Variants in TYW1B observed in about 807,000 individuals in gnomAD.
TYW1B encodes S-adenosyl-L-methionine-dependent tRNA 4-demethylwyosine synthase TYW1B.
TYW1B carries 73 observed loss-of-function variants against 86.9 expected under a neutral mutation model. That is an observed-to-expected ratio of 0.84 (90% CI 0.70 to 1.02). The LOEUF is 1.02. Among genes scored for constraint, TYW1B ranks in the 50% least tolerant of loss-of-function variants. The probability of loss-of-function intolerance (pLI) is 0.00; values close to 1 mark genes in which losing one functional copy is unlikely to be tolerated. For missense variants in TYW1B, 637 were observed against 827.4 expected, an observed-to-expected ratio of 0.77 and a Z score of 2.82; for synonymous variants, 248 against 292.8, an observed-to-expected ratio of 0.85 and a Z score of 1.56.
rs1366644478 is a variant in TYW1B, at chr7:72,574,674, A to G, written c.*824T>C. ...TAAAGCAGCGAGGGCCACAGGAGTC[A>G]AAGAAGATGGAGACCCGCCGTCTGG... is the stretch of plus-strand genomic sequence containing the variant. On this transcript the variant is annotated 3_prime_UTR_variant, in exon 14 of 14. Coordinates refer to ENST00000620995, the MANE Select transcript of TYW1B (RefSeq NM_001145440.3). 40 of 985,362 alleles carry G rather than the reference A, an allele frequency of 4.1e-5. No individual in the cohort carries two copies. Among genetic ancestry groups the G allele is most frequent in the Non-Finnish European group, 4.8e-5 (40 of 829,958 alleles). 61.0% of individuals were successfully genotyped at this position (985,362 alleles called of 1,614,324 possible). A position where few individuals can be genotyped will look rare whatever the true frequency, so the allele number is the denominator to read the frequency against.
At position 72,810,458 on chromosome 7, in the gene TYW1B, A is replaced by G. The variant is rs1279110400; in HGVS notation, c.432+13T>C. 2 of 1,600,002 alleles carry G rather than the reference A, an allele frequency of 1.3e-6. No individual in the cohort carries two copies. Among genetic ancestry groups the G allele is most frequent in the African/African-American group, 2.7e-5 (2 of 74,592 alleles). ...TGGGGAGAATTTATTCCTATAATTC[A>G]ATATAGACCTACCTTGTTGAAGTGG... On this transcript the variant is annotated intron_variant, in intron 4 of 13. Coordinates refer to ENST00000620995, the MANE Select transcript of TYW1B (RefSeq NM_001145440.3).
At chr7:72,602,475 G>C (rs1436612758) in intron 13 of TYW1B, among the ~76,000 whole-genome samples, 1 of 152,078 alleles carries the variant, frequency 6.6e-6, no homozygotes, top group Non-Finnish European at 1.5e-5. Flanking sequence ...TCTCTGCTTT[G>C]TCAGCTGAGA....
intron 2 of TYW1B, among the ~76,000 whole-genome samples, chr7:72,815,694 T>C (rs1788710475): frequency 6.6e-6 from 1 of 152,092 alleles, no homozygotes; most frequent in Admixed American, 6.6e-5. Context: ...AGGGTTTACG[T>C]AGGACTGAAT....
chr7:72,685,973 G>T (rs1297725731), intron 11 of TYW1B, among the ~76,000 whole-genome samples: 4 of 152,042 alleles, frequency 2.6e-5, no homozygotes, highest in Admixed American at 1.3e-4. Context: ...TTAAAAATGG[G>T]CCAAAGACCA....
chr7:72,758,628 T>A (rs1554466680), intron 7 of TYW1B, among the ~76,000 whole-genome samples: 1 of 152,126 alleles, frequency 6.6e-6, no homozygotes, highest in East Asian at 1.9e-4. Flanking sequence ...TCTGCCCTGG[T>A]ATGTCTTCTC....
intron 7 of TYW1B, among the ~76,000 whole-genome samples, chr7:72,775,742 A>C (rs562898291): frequency 2.6e-5 from 4 of 152,068 alleles, no homozygotes; most frequent in East Asian, 3.9e-4. Context: ...AAAAAAAAAA[A>C]CAAAAAACAA....
intron 7 of TYW1B, among the ~76,000 whole-genome samples, chr7:72,757,229 G>A (rs782538983): frequency 2.6e-5 from 4 of 151,994 alleles, no homozygotes; most frequent in Admixed American, 6.6e-5. Context: ...TTAGCCAGGC[G>A]TGGTAGCGCG....
intron 10 of TYW1B, among the ~76,000 whole-genome samples, chr7:72,706,293 G>A (rs1554453635): frequency 2.0e-5 from 3 of 151,946 alleles, no homozygotes; most frequent in African/African-American, 7.2e-5. Flanking sequence ...CGGGTGTGGT[G>A]GCAAATGCCT....
At chr7:72,699,036 C>A (rs1163456063) in intron 10 of TYW1B, among the ~76,000 whole-genome samples, 1 of 149,250 alleles carries the variant, frequency 6.7e-6, no homozygotes, top group Non-Finnish European at 1.5e-5. Context: ...CTGGAGGGAA[C>A]AGAAGATGGA....
chr7:72,823,825 G>A (rs1554480988), intron 2 of TYW1B, among the ~76,000 whole-genome samples: 9 of 151,942 alleles, frequency 5.9e-5, no homozygotes, highest in Non-Finnish European at 1.3e-4. Context: ...GATAAATCTA[G>A]AAACACAGCA....
intron 11 of TYW1B, among the ~76,000 whole-genome samples, chr7:72,663,774 A>AAAC (rs1393213889): frequency 6.6e-6 from 1 of 150,482 alleles, no homozygotes; most frequent in Non-Finnish European, 1.5e-5. Flanking sequence ...AAAAAAAAAA[A>AAAC]AAAAAAAAAA....
chr7:72,732,690 T>C (rs1177744848), intron 8 of TYW1B, among the ~76,000 whole-genome samples: 3 of 152,104 alleles, frequency 2.0e-5, no homozygotes, highest in African/African-American at 7.2e-5. Flanking sequence ...AATCTAACAA[T>C]GCACTTCAGG....
At chr7:72,802,345 C>T (rs1421836184) in intron 6 of TYW1B, 55 bp downstream of exon 6, 1 of 1,607,222 alleles carries the variant, frequency 6.2e-7, no homozygotes, top group African/African-American at 1.3e-5. Context: ...TAAAGAAATA[C>T]TAAATGTTAA....
intron 10 of TYW1B, among the ~76,000 whole-genome samples, chr7:72,698,265 G>A (rs571337382): frequency 7.9e-5 from 12 of 152,216 alleles, no homozygotes; most frequent in Admixed American, 6.6e-4. Context: ...ACAATAAAAT[G>A]ACCATGTAGT....
At chr7:72,799,634 T>C (rs1185277088) in intron 6 of TYW1B, among the ~76,000 whole-genome samples, 5 of 151,884 alleles carry the variant, frequency 3.3e-5, no homozygotes, top group African/African-American at 1.2e-4. Context: ...CCTGGCTAAT[T>C]TTTTGTATTT....
At chr7:72,589,182 T>C (rs1158557563) in intron 13 of TYW1B, among the ~76,000 whole-genome samples, 5 of 152,196 alleles carry the variant, frequency 3.3e-5, no homozygotes, top group African/African-American at 4.8e-5. Context: ...TATGATCCAA[T>C]AGACTTCTGT....
rs1554428280 is a variant in TYW1B at position 72,575,499 on chromosome 7, C to T, written c.2006G>A (p.Ter669=). 4 of 1,604,164 alleles carry T rather than the reference C, an allele frequency of 2.5e-6. No homozygotes were observed. Among genetic ancestry groups the T allele is most frequent in the Non-Finnish European group, 3.4e-6 (4 of 1,177,052 alleles). Residue 669 remains the stop codon, a stop_retained_variant, in exon 14 of 14, where the codon TGA becomes TAA. Transcript: ENST00000620995. ...KNKSKAISGC[*] is the part of the protein sequence containing the mutation. ...TCAGTACCTTGAAATCAGATAATCT[C>T]AACATCCAGAAATAGCCTTTGATTT...
Position 72,657,018 on chromosome 7 carries a change from G to C in TYW1B, c.1507-28021C>G, listed in dbSNP as rs373271552. Among the ~76,000 whole-genome samples the C allele has an allele frequency of 3.9e-4, 59 of 152,200 alleles. 2 individuals carry two copies. In the East Asian group the frequency reaches 9.1e-3, roughly 23 times the overall value. ...CAACCAAACAATATCTCCTCCAAAG[G>C]AAAATCGTAATTCTCCAGTAAAAGA... On this transcript the variant is annotated intron_variant, in intron 11 of 13. Transcript: ENST00000620995.
At chr7:72,634,176 C>T (rs1343479851) in intron 11 of TYW1B, among the ~76,000 whole-genome samples, 1 of 151,790 alleles carries the variant, frequency 6.6e-6, no homozygotes, top group African/African-American at 2.4e-5. Flanking sequence ...CTCTCCCCAC[C>T]TCCTTTTTTT....
Sources: gnomAD v4.1 joint callset for allele counts (sites outside exome capture counted in the v4.1 genomes callset) on GRCh38, gnomAD v4.1.1 for gene constraint, MANE v1.5 for transcripts, NCBI Gene and HGNC (gene_info 2026-07-23, HGNC 2026-07-21) for gene names.